Variants in TEKT5 observed in about 807,000 individuals in gnomAD.
TEKT5 encodes the protein tektin-5.
Under a neutral mutation model 48.7 loss-of-function variants are expected in TEKT5, and 52 were observed. The ratio of observed to expected loss-of-function variants is 1.07; its 90% CI spans 0.86 to 1.35. The LOEUF is 1.35. Ranked by LOEUF, TEKT5 falls within the 40% of genes most tolerant of loss-of-function variation. The pLI, the probability that TEKT5 is intolerant of heterozygous loss-of-function variation, is 0.00. For synonymous variants in TEKT5, 318 were observed against 267.6 expected (o/e 1.19, Z -1.84); for missense variants, 831 against 641.6 (o/e 1.30, Z -3.19).
chr16:10,692,021 G>T (rs1232212185), intron 1 of TEKT5, among the ~76,000 whole-genome samples: 3 of 152,094 alleles, frequency 2.0e-5, no homozygotes, highest in Non-Finnish European at 4.4e-5. Context: ...AAGGACAATG[G>T]ATTGGAAGGG....
intron 4 of TEKT5, among the ~76,000 whole-genome samples, 188 bp from the exon 5 acceptor site, chr16:10,676,369 G>A (rs368332647): frequency 1.4e-4 from 22 of 152,244 alleles, no homozygotes; most frequent in Non-Finnish European, 2.1e-4. Context: ...CAACCACCCC[G>A]TTGTGACAAC....
At chr16:10,655,650 A>G (rs1025822893) in intron 5 of TEKT5, among the ~76,000 whole-genome samples, 2 of 152,166 alleles carry the variant, frequency 1.3e-5, no homozygotes, top group Admixed American at 6.5e-5. Flanking sequence ...AAAGGAATCA[A>G]AATGTTGTTT....
chr16:10,638,107 T>G (rs922733846), intron 5 of TEKT5, among the ~76,000 whole-genome samples: 1 of 152,156 alleles, frequency 6.6e-6, no homozygotes, highest in Admixed American at 6.5e-5. Context: ...CCACAGCACC[T>G]GGTGGGAGTC....
At chr16:10,653,555 C>A (rs967304270) in intron 5 of TEKT5, among the ~76,000 whole-genome samples, 6 of 152,204 alleles carry the variant, frequency 3.9e-5, no homozygotes, top group African/African-American at 1.4e-4. Context: ...ATCGATTGAG[C>A]CCTTTCTAGC....
In TEKT5 at chr16:10,682,079, G is replaced by T. The variant is rs747892647; in HGVS notation, c.777C>A (p.Ala259=). The T allele has an allele frequency of 3.1e-6, 5 of 1,614,138 alleles. No individual in the cohort carries two copies. The highest frequency in any genetic ancestry group is 3.4e-6 in the Non-Finnish European group (4 of 1,180,020). The change falls in exon 4 of 7, where the codon GCC becomes GCA. Residue 259 remains alanine, a synonymous_variant. Transcript: ENST00000283025. ...LERDLEDKSS[A]QCIDEKCFNL... is the part of the protein sequence containing the mutation. ...TAAAGCACTTCTCATCGATACACTG[G>T]GCCGAGCTTTTGTCTTCGAGGTCCC... is the stretch of plus-strand genomic sequence containing the variant.
At chr16:10,628,481 T>C (rs13332767) in intron 6 of TEKT5, among the ~76,000 whole-genome samples, 10,950 of 152,236 alleles carry the variant, frequency 0.072, 1,162 homozygotes, top group African/African-American at 0.23. Context: ...TGTACATGAA[T>C]GTTCACGGCA....
At chr16:10,690,498 A>ATCT in intron 1 of TEKT5, 1 of 890,026 alleles carries the variant, frequency 1.1e-6, no homozygotes, top group Non-Finnish European at 1.3e-6. Context: ...CCTCCTCTGC[A>ATCT]GATGGGTGCC....
At chr16:10,661,350 T>G (rs1898367232) in intron 5 of TEKT5, among the ~76,000 whole-genome samples, 1 of 152,208 alleles carries the variant, frequency 6.6e-6, no homozygotes, top group South Asian at 2.1e-4. Context: ...ACTCCAAGTG[T>G]GGTCCCTGGA....
At chr16:10,687,309 T>A (rs1898879610) in intron 3 of TEKT5, among the ~76,000 whole-genome samples, 1 of 152,220 alleles carries the variant, frequency 6.6e-6, no homozygotes, top group African/African-American at 2.4e-5. Flanking sequence ...TTTCAGAACA[T>A]CATGTTTTAT....
In TEKT5 at chr16:10,631,362, G is replaced by GC. The variant is rs555067916; in HGVS notation, c.1242-3564_1242-3563insG. Among the ~76,000 whole-genome samples the GC allele has an allele frequency of 1.6e-3, 224 of 143,838 alleles. 3 individuals carry two copies. Among genetic ancestry groups the GC allele is most frequent in the African/African-American group, 5.4e-3 (213 of 39,502 alleles). The allele number at this position is 143,838 out of a possible 152,430, so 94.4% of individuals were successfully genotyped here. On this transcript the variant is annotated intron_variant, in intron 6 of 6. Transcript: ENST00000283025. The stretch of plus-strand genomic sequence containing the variant: ...TGGGAAGCCATGGGGTGGGGGCGGG[G>GC]GAGGGTTGAAACAGGGGAATGGCAT...
chr16:10,645,473 T>C (rs1449550663), intron 5 of TEKT5, among the ~76,000 whole-genome samples: 1 of 152,150 alleles, frequency 6.6e-6, no homozygotes, highest in Non-Finnish European at 1.5e-5. Context: ...GATGCACCAC[T>C]GCACTCCAGC....
At chr16:10,642,820 T>C (rs151136750) in intron 5 of TEKT5, among the ~76,000 whole-genome samples, 18 of 152,154 alleles carry the variant, frequency 1.2e-4, no homozygotes, top group African/African-American at 3.9e-4. Flanking sequence ...CAGAGGATAC[T>C]ACAGGCTGGG....
intron 1 of TEKT5, among the ~76,000 whole-genome samples, chr16:10,694,093 T>G (rs1207070889): frequency 1.3e-5 from 2 of 152,198 alleles, no homozygotes; most frequent in African/African-American, 4.8e-5. Context: ...TTGATGTAGC[T>G]TCAAGGAGAA....
intron 5 of TEKT5, among the ~76,000 whole-genome samples, chr16:10,665,307 A>G (rs1898439462): frequency 6.6e-6 from 1 of 152,184 alleles, no homozygotes; most frequent in Admixed American, 6.5e-5. Flanking sequence ...TATTCTTCTC[A>G]TCTCACCAGG....
intron 5 of TEKT5, among the ~76,000 whole-genome samples, chr16:10,640,849 T>C (rs1897984803): frequency 6.6e-6 from 1 of 152,158 alleles, no homozygotes; most frequent in Admixed American, 6.5e-5. Flanking sequence ...ACCATATAGC[T>C]AGACCACAAT....
rs772361491 is a variant in TEKT5 at position 10,682,014 on chromosome 16, C to T, written c.842G>A (p.Gly281Asp). 3 of 1,613,932 alleles carry T rather than the reference C, an allele frequency of 1.9e-6. No individual in the cohort carries two copies. The highest frequency in any genetic ancestry group is 2.5e-6 in the Non-Finnish European group (3 of 1,179,856). Residue 281 changes from glycine to aspartate, a missense_variant, in exon 4 of 7, where the codon GGC becomes GAC. Transcript: ENST00000283025. ...NTSDCISFFH[G>D]MEKIDGTISV... ...TTACGTGCCGTCAATTTTCTCCATG[C>T]CGTGGAAGAAGCTGATGCAGTCTGA...
chr16:10,681,592 G>A (rs964563692), intron 4 of TEKT5, among the ~76,000 whole-genome samples: 5 of 145,216 alleles, frequency 3.4e-5, no homozygotes, highest in Admixed American at 7.6e-5. Flanking sequence ...CACTTGTTTC[G>A]GAATTTTTTT....
chr16:10,671,099 T>C (rs931227707), intron 5 of TEKT5, among the ~76,000 whole-genome samples: 1 of 152,168 alleles, frequency 6.6e-6, no homozygotes, highest in Non-Finnish European at 1.5e-5. Flanking sequence ...GTAATTATAT[T>C]AATACTTACA....
intron 1 of TEKT5, among the ~76,000 whole-genome samples, chr16:10,692,307 G>A (rs1898993986): frequency 6.6e-6 from 1 of 152,282 alleles, no homozygotes. Context: ...ATCTGGGGTT[G>A]TATAGAATCT....
Sources: gnomAD v4.1 joint callset for allele counts (sites outside exome capture counted in the v4.1 genomes callset) on GRCh38, gnomAD v4.1.1 for gene constraint, MANE v1.5 for transcripts, NCBI Gene and HGNC (gene_info 2026-07-23, HGNC 2026-07-21) for gene names.